CFAP97D1: variants seen among roughly 807,000 people sequenced by gnomAD.
The protein encoded by CFAP97D1 is CFAP97 domain containing 1, also known as sperm axonemal maintenance protein CFAP97D1.
CFAP97D1 carries 15 observed loss-of-function variants against 20.5 expected under a neutral mutation model. That is an observed-to-expected ratio of 0.73 (90% confidence interval 0.49 to 1.13). CFAP97D1 has a LOEUF of 1.13. Ranked by LOEUF, CFAP97D1 falls within the 50% of genes most tolerant of loss-of-function variation. The pLI is 0.00. For synonymous variants in CFAP97D1, 58 were observed against 71.2 expected, an observed-to-expected ratio of 0.82 and a Z score of 0.93; for missense variants, 168 against 202.9, an observed-to-expected ratio of 0.83 and a Z score of 1.04.
In CFAP97D1 at chr17:43,780,558, C is replaced by T. The variant is rs777725073; in HGVS notation, c.96C>T (p.Tyr32=). 3.5e-5 allele frequency: 54 copies of T among 1,551,542 alleles called. No individual in the cohort carries two copies. The African/African-American group carries it at 3.8e-4, about 11-fold the overall frequency. ...TFRKKLDFGH[Y]VSHKNRIQIA... is the part of the protein sequence containing the mutation. ...GAAAGAAACTGGACTTTGGCCACTA[C>T]GTATCTCACAAGAATAGAATACAAA... The change falls in exon 1 of 6, where the codon TAC becomes TAT. Residue 32 remains tyrosine (Y), a synonymous_variant. Transcript: ENST00000449302.
intron 3 of CFAP97D1, 130 bp from the exon 4 acceptor site, chr17:43,783,050 T>C: frequency 8.7e-7 from 1 of 1,150,320 alleles, no homozygotes; most frequent in Admixed American, 2.3e-5. Context: ...CAGGGGCCTG[T>C]GGGCTCAGCA....
At position 43,786,553 on chromosome 17, in the gene CFAP97D1, A is replaced by G. The variant is rs1321818102; in HGVS notation, c.*2171A>G. On this transcript the variant is annotated 3_prime_UTR_variant, in exon 6 of 6. Coordinates refer to ENST00000449302, the MANE Select transcript of CFAP97D1 (RefSeq NM_001136483.3). ...CCTATGCAGGTTTCATCAGTTATAC[A>G]TGCACTCATTTTTGTACATATATGT... 1 of 152,186 alleles carries G rather than the reference A, an allele frequency of 6.6e-6. No individual in the cohort carries two copies. Among genetic ancestry groups the G allele is most frequent in the Non-Finnish European group, 1.5e-5 (1 of 68,040 alleles). The allele number at this position is 152,186 out of a possible 1,614,324, so 9.4% of individuals were successfully genotyped here.
In CFAP97D1 at chr17:43,786,401, G is replaced by A. The variant is rs933066818; in HGVS notation, c.*2019G>A. On this transcript the variant is annotated 3_prime_UTR_variant, in exon 6 of 6. Transcript: ENST00000449302. ...ATTTTGAAATAATGAAAATTCACAG[G>A]TAGTTGCACATAAAGGAACAGGGAG... The A allele has an allele frequency of 6.6e-5, 10 of 152,128 alleles. No homozygotes were observed. Among genetic ancestry groups the A allele is most frequent in the Admixed American group, 5.9e-4 (9 of 15,280 alleles). The allele number at this position is 152,128 out of a possible 1,614,324, so 9.4% of individuals were successfully genotyped here.
chr17:43,783,071 C>T, intron 3 of CFAP97D1, 109 bp from the exon 4 acceptor site: 3 of 1,381,736 alleles, frequency 2.2e-6, no homozygotes, highest in Non-Finnish European at 3.0e-6. Flanking sequence ...GGACAGTTTA[C>T]TCCCTGCACT....
In CFAP97D1 at chr17:43,783,018, A is replaced by G. The variant is rs1203054849; in HGVS notation, c.315-162A>G. On this transcript the variant is annotated intron_variant, in intron 3 of 5. Transcript: ENST00000449302. ...ATGCGGTGCATGTTTCCCGGAGTGC[A>G]GTGCAGACCAACAGGCTGTCCCAGG... 11 of 732,718 alleles carry G rather than the reference A, an allele frequency of 1.5e-5. No homozygotes were observed. In the Admixed American group the frequency reaches 1.9e-4, roughly 13 times the overall value. 45.4% of individuals were successfully genotyped at this position (732,718 alleles called of 1,614,324 possible). A position where few individuals can be genotyped will look rare whatever the true frequency, so the allele number is the denominator to read the frequency against.
In CFAP97D1 at chr17:43,785,971, C is replaced by T. The variant is rs1414912462; in HGVS notation, c.*1589C>T. ...GCTGGTAGCATGGCTTGGTCCAAGCCCAAAAACCTCAGAACCAAGAAGAAG... is the reference window on the plus strand; with the variant it reads ...GCTGGTAGCATGGCTTGGTCCAAGCTCAAAAACCTCAGAACCAAGAAGAAG... On this transcript the variant is annotated 3_prime_UTR_variant, in exon 6 of 6. Transcript: ENST00000449302. 1 of 152,028 alleles carries T rather than the reference C, an allele frequency of 6.6e-6. No homozygotes were observed. Among genetic ancestry groups the T allele is most frequent in the Non-Finnish European group, 1.5e-5 (1 of 68,072 alleles). The allele number at this position is 152,028 out of a possible 1,614,324, so 9.4% of individuals were successfully genotyped here.
intron 2 of CFAP97D1, 56 bp from the exon 3 acceptor site, chr17:43,781,718 T>A: frequency 9.2e-7 from 1 of 1,084,498 alleles, no homozygotes; most frequent in East Asian, 2.6e-5. Flanking sequence ...TAAGTCATTG[T>A]GTGTTGGGGC....
rs1454060454 is a variant in CFAP97D1 at position 43,786,883 on chromosome 17, G to C, written c.*2501G>C. ...TTTTATTGCTGAGTAGTATTCCATG[G>C]TATGGACATGCTACAATATATTTAA... On this transcript the variant is annotated 3_prime_UTR_variant, in exon 6 of 6. Coordinates refer to ENST00000449302, the MANE Select transcript of CFAP97D1 (RefSeq NM_001136483.3). The C allele has an allele frequency of 1.3e-5, 2 of 152,064 alleles. No homozygotes were observed. The highest frequency in any genetic ancestry group is 2.9e-5 in the Non-Finnish European group (2 of 68,026). 9.4% of individuals were successfully genotyped at this position (152,064 alleles called of 1,614,324 possible). A position where few individuals can be genotyped will look rare whatever the true frequency, so the allele number is the denominator to read the frequency against.
In CFAP97D1 at chr17:43,783,257, A is replaced by G; in HGVS notation, c.392A>G (p.Asp131Gly). The G allele has an allele frequency of 6.4e-7, 1 of 1,551,420 alleles. No homozygotes were observed. The highest frequency in any genetic ancestry group is 8.7e-7 in the Non-Finnish European group (1 of 1,146,832). ...CAGGGCATTCTGAAGAGGCTTGTTGATCGCAAACCCCACTATGACCGCAGG... is the reference window on the plus strand; with the variant it reads ...CAGGGCATTCTGAAGAGGCTTGTTGGTCGCAAACCCCACTATGACCGCAGG... Reference protein sequence around the residue: ...ENQGILKRLVDRKPHYDRRAS... With the variant: ...ENQGILKRLVGRKPHYDRRAS... Residue 131 changes from aspartate to glycine, a missense_variant, in exon 4 of 6, where the codon GAT (aspartate) becomes GGT (glycine). Physicochemically the swap from Asp to Gly is moderately conservative, Grantham distance 94 (BLOSUM62 -1). Coordinates refer to ENST00000449302, the MANE Select transcript of CFAP97D1 (RefSeq NM_001136483.3).
At chr17:43,782,510 A>T (rs1316332650) in intron 3 of CFAP97D1, among the ~76,000 whole-genome samples, 1 of 152,180 alleles carries the variant, frequency 6.6e-6, no homozygotes, top group African/African-American at 2.4e-5. Context: ...TGGGGCTATG[A>T]TGTGACATTC....
rs2044278943 is a variant in CFAP97D1, at chr17:43,784,598, T to A, written c.*216T>A. Reference sequence around the variant, plus strand: ...AGGAAAGATGCAATGAGCATTTTTATTTGGGGCTATGAAAAGAAGTTTTAA... The same window carrying A: ...AGGAAAGATGCAATGAGCATTTTTAATTGGGGCTATGAAAAGAAGTTTTAA... On this transcript the variant is annotated 3_prime_UTR_variant, in exon 6 of 6. Transcript: ENST00000449302. 6.6e-6 allele frequency: 1 copy of A among 152,204 alleles called. No individual in the cohort carries two copies. The highest frequency in any genetic ancestry group is 1.5e-5 in the Non-Finnish European group (1 of 68,034). The allele number at this position is 152,204 out of a possible 1,614,324, so 9.4% of individuals were successfully genotyped here. A position where few individuals can be genotyped will look rare whatever the true frequency, so the allele number is the denominator to read the frequency against.
At chr17:43,781,443 G>A (rs111474694) in intron 2 of CFAP97D1, among the ~76,000 whole-genome samples, 2 of 149,684 alleles carry the variant, frequency 1.3e-5, no homozygotes, top group Non-Finnish European at 3.0e-5. Flanking sequence ...CAATTCTCCC[G>A]CCTCAGCCTC....
intron 3 of CFAP97D1, 54 bp downstream of exon 3, chr17:43,781,946 T>C (rs763776053): frequency 3.8e-4 from 492 of 1,289,448 alleles, no homozygotes; most frequent in Non-Finnish European, 5.0e-4. Context: ...GACTTTCCTC[T>C]TGGGTTTTAG....
chr17:43,783,416 TA>T, intron 4 of CFAP97D1, 113 bp downstream of exon 4: 2 of 1,344,278 alleles, frequency 1.5e-6, no homozygotes, highest in South Asian at 1.5e-5. Context: ...ACATGAAATG[TA>T]ACAATCGTTA....
rs1296238849 is a variant in CFAP97D1, at chr17:43,785,799, G to A, written c.*1417G>A. On this transcript the variant is annotated 3_prime_UTR_variant, in exon 6 of 6. Coordinates refer to ENST00000449302, the MANE Select transcript of CFAP97D1 (RefSeq NM_001136483.3). ...GGTGGTAACTCCTAGGTGTTGCTAC[G>A]GTAATGGTAAACTGACATGGCACAC... is the stretch of plus-strand genomic sequence containing the variant. The A allele has an allele frequency of 6.6e-6, 1 of 151,830 alleles. No homozygotes were observed. Among genetic ancestry groups the A allele is most frequent in the Admixed American group, 6.6e-5 (1 of 15,248 alleles). 9.4% of individuals were successfully genotyped at this position (151,830 alleles called of 1,614,324 possible).
At chr17:43,781,276 T>C in intron 2 of CFAP97D1, 87 bp downstream of exon 2, 1 of 1,081,122 alleles carries the variant, frequency 9.2e-7, no homozygotes, top group Non-Finnish European at 1.4e-6. Flanking sequence ...TCCCAGAGCC[T>C]TCTAAATACC....
chr17:43,784,321 G>C (rs905311119), intron 5 of CFAP97D1, 62 bp from the exon 6 acceptor site: 1 of 160,060 alleles, frequency 6.2e-6, no homozygotes, highest in Admixed American at 6.1e-5. Context: ...ACACTTAGGC[G>C]TTCCAAAGAA....
At chr17:43,781,967 T>A (rs1174298998) in intron 3 of CFAP97D1, 75 bp downstream of exon 3, 1 of 1,009,572 alleles carries the variant, frequency 9.9e-7, no homozygotes, top group Admixed American at 2.0e-5. Flanking sequence ...TGTGAGGTTT[T>A]CCCAAGTCAG....
Position 43,786,652 on chromosome 17 carries a change from CAA to C in CFAP97D1, c.*2273_*2274del, listed in dbSNP as rs2044294390. On this transcript the variant is annotated 3_prime_UTR_variant, in exon 6 of 6. Coordinates refer to ENST00000449302, the MANE Select transcript of CFAP97D1 (RefSeq NM_001136483.3). ...TCGAGATACTTAAAACCACTATTAT[CAA>C]AAGACACTCTTATTGCCACCCTTTT... 6.6e-6 allele frequency: 1 copy of C among 152,214 alleles called. No homozygotes were observed. 9.4% of individuals were successfully genotyped at this position (152,214 alleles called of 1,614,324 possible).
Sources: gnomAD v4.1 joint callset for allele counts (sites outside exome capture counted in the v4.1 genomes callset) on GRCh38, gnomAD v4.1.1 for gene constraint, MANE v1.5 for transcripts, NCBI Gene and HGNC (gene_info 2026-07-23, HGNC 2026-07-21) for gene names.